The following ASPHD2 variants were observed in gnomAD, a reference collection of about 807,000 sequenced individuals.
ASPHD2 encodes aspartate beta-hydroxylase domain containing 2.
In ASPHD2, 12 loss-of-function variants were observed where a neutral mutation model predicts 34.6. That is an observed-to-expected ratio of 0.35 (90% CI 0.22 to 0.56). The LOEUF (loss-of-function observed/expected upper bound fraction) is 0.56, where lower values mean the gene tolerates loss of function less well. ASPHD2 is among the 20% of genes least tolerant of loss of function. The pLI, the probability that ASPHD2 is intolerant of heterozygous loss-of-function variation, is 0.87. For synonymous variants in ASPHD2, 224 were observed against 212.2 expected (o/e 1.06, Z -0.48); for missense variants, 375 against 505.0 (o/e 0.74, Z 2.47).
At chr22:26,431,579 A>G (rs954756805) in intron 1 of ASPHD2, among the ~76,000 whole-genome samples, 3 of 152,228 alleles carry the variant, frequency 2.0e-5, no homozygotes, top group Non-Finnish European at 2.9e-5. Context: ...CGAAACTGGG[A>G]AAAAGCAAGT....
intron 2 of ASPHD2, 34 bp downstream of exon 2, chr22:26,434,535 A>G: frequency 6.5e-7 from 1 of 1,532,298 alleles, no homozygotes; most frequent in Non-Finnish European, 8.8e-7. Flanking sequence ...CCCGGCATGC[A>G]CATTTGCAAG....
chr22:26,438,488 TAGATAC>T (rs1454440983), intron 2 of ASPHD2, among the ~76,000 whole-genome samples: 1 of 46,546 alleles, frequency 2.1e-5, no homozygotes, highest in Non-Finnish European at 4.8e-5. Context: ...TACATATATA[TAGATAC>T]ACACATACAT....
intron 2 of ASPHD2, among the ~76,000 whole-genome samples, chr22:26,438,223 A>G (rs1339072706): frequency 1.3e-5 from 2 of 152,154 alleles, no homozygotes; most frequent in African/African-American, 2.4e-5. Flanking sequence ...GCACACGCCA[A>G]AGGAAAACGT....
At position 26,429,569 on chromosome 22, in the gene ASPHD2, C is replaced by T. The variant is rs1415008069; in HGVS notation, c.-225+83C>T. Reference sequence around the variant, plus strand: ...CAGGACAGGGGTTGGAGGCGGGAGCCCGGCAGCTGCAGGCCCACGGCCCTC... The same window carrying T: ...CAGGACAGGGGTTGGAGGCGGGAGCTCGGCAGCTGCAGGCCCACGGCCCTC... On this transcript the variant is annotated intron_variant, in intron 1 of 3. Coordinates refer to ENST00000215906, the MANE Select transcript of ASPHD2 (RefSeq NM_020437.5). The surrounding 1 kb of genome is among the most constrained non-coding windows in gnomAD (Gnocchi z 4.5). 2 of 152,018 alleles carry T rather than the reference C, an allele frequency of 1.3e-5. No homozygotes were observed. The highest frequency in any genetic ancestry group is 4.8e-5 in the African/African-American group (2 of 41,330). The allele number at this position is 152,018 out of a possible 1,614,324, so 9.4% of individuals were successfully genotyped here.
chr22:26,440,671 T>G (rs2084830428), intron 2 of ASPHD2, among the ~76,000 whole-genome samples: 1 of 152,176 alleles, frequency 6.6e-6, no homozygotes, highest in African/African-American at 2.4e-5. Flanking sequence ...CCAGTCTATT[T>G]CCTCTTGAAC....
chr22:26,439,568 A>G (rs6005050), intron 2 of ASPHD2, among the ~76,000 whole-genome samples: 56,350 of 152,042 alleles, frequency 0.37, 10,718 homozygotes, highest in South Asian at 0.47. Flanking sequence ...TTAGCAGGTC[A>G]TTTAACTTCT....
rs560956368 is a variant in ASPHD2, at chr22:26,439,292, G to A, written c.887-3167G>A. Among the ~76,000 whole-genome samples, 8 of 152,198 alleles carry A rather than the reference G, an allele frequency of 5.3e-5. No homozygotes were observed. In the East Asian group the frequency reaches 7.7e-4, roughly 15 times the overall value. On this transcript the variant is annotated intron_variant, in intron 2 of 3. Transcript: ENST00000215906. ...TGCACACTTGTAATCCCAGCTACTC[G>A]GGAGGCTGAGGCAGGAGAATTGCTT...
In ASPHD2 at chr22:26,433,423, G is replaced by A. The variant is rs892521951; in HGVS notation, c.-193G>A. 1 of 563,466 alleles carries A rather than the reference G, an allele frequency of 1.8e-6. No homozygotes were observed. Among genetic ancestry groups the A allele is most frequent in the East Asian group, 3.0e-5 (1 of 33,310 alleles). The allele number at this position is 563,466 out of a possible 1,614,324, so 34.9% of individuals were successfully genotyped here. A position where few individuals can be genotyped will look rare whatever the true frequency, so the allele number is the denominator to read the frequency against. ...TTTTCCTAAACAAATCCTTTCACAGGGACCGACGGCACTTGATAATGTGAC... is the reference window on the plus strand; with the variant it reads ...TTTTCCTAAACAAATCCTTTCACAGAGACCGACGGCACTTGATAATGTGAC... On this transcript the variant is annotated 5_prime_UTR_variant, in exon 2 of 4. Transcript: ENST00000215906. This position sits in a 1 kb window ranked among gnomAD's most constrained non-coding sequence, Gnocchi z 5.1.
intron 2 of ASPHD2, among the ~76,000 whole-genome samples, chr22:26,440,040 G>C (rs1288537160): frequency 6.6e-6 from 1 of 152,242 alleles, no homozygotes; most frequent in African/African-American, 2.4e-5. Context: ...ACTGAAGACA[G>C]ATGAGACCAC....
chr22:26,432,111 C>G lies in ASPHD2; in HGVS notation c.-224-1281C>G, dbSNP rs181417768. On this transcript the variant is annotated intron_variant, in intron 1 of 3. Transcript: ENST00000215906. ...TCAGGAGGCTGAGATAGGAGAATCA[C>G]TTGAACCTGGAAGGTGGAGGTTGTG... 2.5e-3 allele frequency among the ~76,000 whole-genome samples: 385 copies of G among 152,340 alleles called. 1 individual carries two copies. Among genetic ancestry groups the G allele is most frequent in the Middle Eastern group, 6.8e-3 (2 of 294 alleles).
chr22:26,433,770 C>A lies in ASPHD2; in HGVS notation c.155C>A (p.Ser52Tyr). 1 of 1,613,860 alleles carries A rather than the reference C, an allele frequency of 6.2e-7. No homozygotes were observed. Among genetic ancestry groups the A allele is most frequent in the Non-Finnish European group, 8.5e-7 (1 of 1,180,022 alleles). Residue 52 changes from serine (S) to tyrosine (Y), a missense_variant, in exon 2 of 4, where the codon TCC (serine) becomes TAC (tyrosine). Around this residue, in one of 3 missense-constraint regions of ASPHD2, gnomAD observed 223 missense variants for 257.8 expected, o/e 0.87. Transcript: ENST00000215906. This position sits in a 1 kb window ranked among gnomAD's most constrained non-coding sequence, Gnocchi z 5.1. ...GACTGCATCGCCACCGGCATCCAGT[C>A]CGTGCGGGACTGCGACACCACCGCT... ...LRDCIATGIQ[S>Y]VRDCDTTAVI... is the part of the protein sequence containing the mutation.
rs2084887626 is a variant in ASPHD2, at chr22:26,444,235, T to TTTC, written c.*1031_*1032insCTT. ...GGAGTTCTGTTGCCTATGTTTTTTT[T>TTTC]TTTTTCATTTATTTGTCTGTACATA... On this transcript the variant is annotated 3_prime_UTR_variant, in exon 4 of 4. Coordinates refer to ENST00000215906, the MANE Select transcript of ASPHD2 (RefSeq NM_020437.5). The TTTC allele has an allele frequency of 6.6e-6, 1 of 152,116 alleles. No individual in the cohort carries two copies. The highest frequency in any genetic ancestry group is 1.5e-5 in the Non-Finnish European group (1 of 68,016). 9.4% of individuals were successfully genotyped at this position (152,116 alleles called of 1,614,324 possible).
In ASPHD2 at chr22:26,443,170, G is replaced by A. The variant is rs1308525511; in HGVS notation, c.1074G>A (p.Arg358=). The A allele has an allele frequency of 6.2e-7, 1 of 1,614,126 alleles. No individual in the cohort carries two copies. The highest frequency in any genetic ancestry group is 2.2e-5 in the East Asian group (1 of 44,876). ...ATCCAAACGTCGCAGCGGCCGAACG[G>A]CAGGCTCTTGATTTCATCTTTGCTC... is the stretch of plus-strand genomic sequence containing the variant. ...LWHPNVAAAE[R]QALDFIFAPG... Residue 358 remains arginine (R), a synonymous_variant, in exon 4 of 4, where the codon CGG becomes CGA. Transcript: ENST00000215906.
chr22:26,438,582 C>CATATAT (rs1416623036), intron 2 of ASPHD2, among the ~76,000 whole-genome samples: 42 of 137,724 alleles, frequency 3.0e-4, no homozygotes, highest in Admixed American at 6.2e-4. Flanking sequence ...CATATATATA[C>CATATAT]ATACATATAT....
intron 2 of ASPHD2, among the ~76,000 whole-genome samples, chr22:26,440,995 A>T (rs1197248109): frequency 6.6e-6 from 1 of 152,276 alleles, no homozygotes; most frequent in Non-Finnish European, 1.5e-5. Context: ...GAATAGATGA[A>T]GCCAATGAAG....
Position 26,443,619 on chromosome 22 carries a change from T to TA in ASPHD2, c.*431dup, listed in dbSNP as rs35059406. 0.19 allele frequency: 24,637 copies of TA among 129,866 alleles called. 2,407 individuals are homozygous for TA. The highest frequency in any genetic ancestry group is 0.41 in the South Asian group (1,708 of 4,148). 8.0% of individuals were successfully genotyped at this position (129,866 alleles called of 1,614,324 possible). A position where few individuals can be genotyped will look rare whatever the true frequency, so the allele number is the denominator to read the frequency against. ...AATGTAAAACTTCTTGTGGTCATCT[T>TA]AAAAAAAAAAAAAAAAAACTAAAAA... is the stretch of plus-strand genomic sequence containing the variant. On this transcript the variant is annotated 3_prime_UTR_variant, in exon 4 of 4. Coordinates refer to ENST00000215906, the MANE Select transcript of ASPHD2 (RefSeq NM_020437.5).
intron 1 of ASPHD2, among the ~76,000 whole-genome samples, chr22:26,430,155 G>A (rs2084747931): frequency 6.6e-6 from 1 of 152,236 alleles, no homozygotes; most frequent in Non-Finnish European, 1.5e-5. Flanking sequence ...TGAGTGGAGA[G>A]GGTGACAGGC....
rs1568983997 is a variant in ASPHD2 at position 26,438,574 on chromosome 22, T to TATATACACATAC, written c.887-3880_887-3879insCACATACATATA. Among the ~76,000 whole-genome samples the TATATACACATAC allele has an allele frequency of 5.5e-5, 4 of 72,938 alleles. 1 individual carries two copies. Among genetic ancestry groups the TATATACACATAC allele is most frequent in the East Asian group, 5.4e-4 (1 of 1,858 alleles). 47.9% of individuals were successfully genotyped at this position (72,938 alleles called of 152,430 possible). On this transcript the variant is annotated intron_variant, in intron 2 of 3. Transcript: ENST00000215906. The stretch of plus-strand genomic sequence containing the variant: ...ATACACATACATATATACACATACA[T>TATATACACATAC]ATATATACATACATATATATACACA...
chr22:26,442,599 T>A, intron 3 of ASPHD2, 27 bp downstream of exon 3: 2 of 1,506,174 alleles, frequency 1.3e-6, no homozygotes, highest in Non-Finnish European at 1.8e-6. Flanking sequence ...CCCACTTCCT[T>A]TTTTTCAATG....
Sources: gnomAD v4.1 joint callset for allele counts (sites outside exome capture counted in the v4.1 genomes callset) on GRCh38, gnomAD v4.1.1 for gene constraint, gnomAD v4.1.1 regional missense constraint, Gnocchi (gnomAD v3.1) non-coding constraint, MANE v1.5 for transcripts, NCBI Gene and HGNC (gene_info 2026-07-23, HGNC 2026-07-21) for gene names.